CABLES1: variants seen among roughly 807,000 people sequenced by gnomAD.
The protein encoded by CABLES1 is CDK5 and ABL1 enzyme substrate 1.
In CABLES1, 36 loss-of-function variants were observed where a neutral mutation model predicts 57.8. That is an observed-to-expected ratio of 0.62 (90% confidence interval 0.48 to 0.82). CABLES1 has a LOEUF of 0.82. CABLES1 is among the 40% of genes least tolerant of loss of function. The pLI is 0.00. For synonymous variants in CABLES1, 374 were observed against 363.0 expected, an observed-to-expected ratio of 1.03 and a Z score of -0.35; for missense variants, 767 against 836.6, an observed-to-expected ratio of 0.92 and a Z score of 1.03.
chr18:23,162,801 T>TG (rs1223732983), intron 1 of CABLES1, among the ~76,000 whole-genome samples: 1 of 152,046 alleles, frequency 6.6e-6, no homozygotes, highest in Non-Finnish European at 1.5e-5. Context: ...AGAGTCCCTT[T>TG]GGGGAGGAAG....
At chr18:23,211,013 CAT>C (rs1321378664) in intron 3 of CABLES1, among the ~76,000 whole-genome samples, 1 of 151,886 alleles carries the variant, frequency 6.6e-6, no homozygotes, top group Non-Finnish European at 1.5e-5. Context: ...GGTAAAATAA[CAT>C]GTTTTTCTGG....
intron 4 of CABLES1, among the ~76,000 whole-genome samples, chr18:23,215,077 A>G (rs1488746361): frequency 1.3e-5 from 2 of 152,248 alleles, no homozygotes; most frequent in Non-Finnish European, 1.5e-5. Context: ...GTGTGCCTTA[A>G]GGAGCGATAA....
intron 4 of CABLES1, among the ~76,000 whole-genome samples, chr18:23,224,595 GTCTC>G (rs1268027603): frequency 2.4e-5 from 3 of 123,078 alleles, no homozygotes; most frequent in Non-Finnish European, 3.2e-5. Context: ...TGGAGACAGA[GTCTC>G]TCTCAGTTGC....
chr18:23,160,315 C>T (rs548209964), intron 1 of CABLES1, among the ~76,000 whole-genome samples: 1 of 152,278 alleles, frequency 6.6e-6, no homozygotes, highest in African/African-American at 2.4e-5. Flanking sequence ...AGGCGTGAGC[C>T]ACCGCGCCTA....
At chr18:23,203,594 A>T (rs1453635940) in intron 3 of CABLES1, among the ~76,000 whole-genome samples, 1 of 152,166 alleles carries the variant, frequency 6.6e-6, no homozygotes, top group Non-Finnish European at 1.5e-5. Context: ...TTTTGGAGGG[A>T]AAAAGGGGAT....
chr18:23,209,557 G>C (rs2047388498), intron 3 of CABLES1, among the ~76,000 whole-genome samples: 1 of 152,166 alleles, frequency 6.6e-6, no homozygotes, highest in African/African-American at 2.4e-5. Context: ...ACACCCCTGG[G>C]CTGTGTTTGG....
chr18:23,198,538 C>T (rs1481349818), intron 3 of CABLES1, among the ~76,000 whole-genome samples: 4 of 152,118 alleles, frequency 2.6e-5, no homozygotes, highest in African/African-American at 7.2e-5. Context: ...GGAACTGAGG[C>T]GCAAATAAGC....
chr18:23,228,249 C>T (rs1015459702), intron 4 of CABLES1, among the ~76,000 whole-genome samples: 3 of 152,346 alleles, frequency 2.0e-5, no homozygotes, highest in African/African-American at 7.2e-5. Context: ...GAGCAGCTGG[C>T]TGGGCCTCTG....
intron 4 of CABLES1, among the ~76,000 whole-genome samples, chr18:23,223,930 A>T (rs767958177): frequency 2.6e-5 from 4 of 151,864 alleles, no homozygotes; most frequent in Non-Finnish European, 5.9e-5. Context: ...ATTACCAGGG[A>T]TAGATTGCAC....
chr18:23,258,031 CCAGA>C lies in CABLES1; in HGVS notation c.*668_*671del, dbSNP rs1208332584. ...CTGGATAAGAATTGCTCTCTCGGTA[CCAGA>C]CAGTTTGACATCCTCCACCCTTAGA... On this transcript the variant is annotated 3_prime_UTR_variant, in exon 10 of 10. Coordinates refer to ENST00000256925, the MANE Select transcript of CABLES1 (RefSeq NM_001100619.3). The C allele has an allele frequency of 1.3e-5, 2 of 152,162 alleles. No homozygotes were observed. The highest frequency in any genetic ancestry group is 4.8e-5 in the African/African-American group (2 of 41,416). The allele number at this position is 152,162 out of a possible 1,614,324, so 9.4% of individuals were successfully genotyped here.
intron 1 of CABLES1, among the ~76,000 whole-genome samples, chr18:23,184,189 G>T (rs1285316523): frequency 6.6e-6 from 1 of 152,168 alleles, no homozygotes; most frequent in African/African-American, 2.4e-5. Flanking sequence ...ACAAAGAAGG[G>T]AAGTACATCT....
intron 3 of CABLES1, among the ~76,000 whole-genome samples, chr18:23,206,018 A>C (rs931980256): frequency 6.6e-6 from 1 of 152,122 alleles, no homozygotes; most frequent in Non-Finnish European, 1.5e-5. Flanking sequence ...GGGCCTGCTG[A>C]CACCTTGATT....
intron 5 of CABLES1, among the ~76,000 whole-genome samples, chr18:23,235,351 A>G (rs973813286): frequency 2.6e-5 from 4 of 151,636 alleles, no homozygotes; most frequent in Non-Finnish European, 5.9e-5. Flanking sequence ...GATAGAGCGC[A>G]TGTGAGATGC....
intron 1 of CABLES1, among the ~76,000 whole-genome samples, chr18:23,153,232 C>T (rs1170012732): frequency 1.3e-5 from 2 of 151,948 alleles, no homozygotes; most frequent in Non-Finnish European, 2.9e-5. Flanking sequence ...AATAGCTGGG[C>T]CTACGGGCAT....
At chr18:23,208,520 G>T (rs2047381028) in intron 3 of CABLES1, among the ~76,000 whole-genome samples, 1 of 152,186 alleles carries the variant, frequency 6.6e-6, no homozygotes, top group Admixed American at 6.5e-5. Context: ...GGTCAGAGTG[G>T]AGCTGGGAAG....
intron 4 of CABLES1, among the ~76,000 whole-genome samples, chr18:23,216,596 T>G (rs940072632): frequency 1.5e-4 from 23 of 152,224 alleles, no homozygotes; most frequent in Admixed American, 3.3e-4. Flanking sequence ...TTTTTATTAC[T>G]TATTAGCTTC....
intron 1 of CABLES1, among the ~76,000 whole-genome samples, chr18:23,172,124 A>G (rs56243816): frequency 8.7e-4 from 133 of 152,244 alleles, no homozygotes; most frequent in African/African-American, 3.0e-3. Flanking sequence ...GGATTTTGCC[A>G]TGTTGCCCAG....
chr18:23,137,061 C>T (rs2046827816), intron 1 of CABLES1, among the ~76,000 whole-genome samples: 1 of 152,228 alleles, frequency 6.6e-6, no homozygotes, highest in Admixed American at 6.5e-5. Flanking sequence ...ACACGCGTGA[C>T]CCTCCGGAGA....
intron 3 of CABLES1, among the ~76,000 whole-genome samples, chr18:23,194,816 G>A (rs2047270367): frequency 6.6e-6 from 1 of 152,208 alleles, no homozygotes; most frequent in Admixed American, 6.5e-5. Context: ...GATTTTTATA[G>A]AAACCTTTGA....
Sources: allele counts gnomAD v4.1 joint callset (sites outside exome capture counted in the v4.1 genomes callset), GRCh38; gene constraint gnomAD v4.1.1; transcripts MANE v1.5; gene names NCBI Gene and HGNC (gene_info 2026-07-23, HGNC 2026-07-21).